The following UVSSA variants were observed in gnomAD, a reference collection of about 807,000 sequenced individuals.
The protein encoded by UVSSA is UV stimulated scaffold protein A.
UVSSA carries 72 observed loss-of-function variants against 73.9 expected under a neutral mutation model. The ratio of observed to expected loss-of-function variants is 0.97; its 90% CI spans 0.81 to 1.19. The LOEUF (loss-of-function observed/expected upper bound fraction) is 1.19, where lower values mean the gene tolerates loss of function less well. Ranked by LOEUF, UVSSA falls within the 50% of genes most tolerant of loss-of-function variation. The probability of loss-of-function intolerance (pLI) is 0.00; values close to 1 mark genes in which losing one functional copy is unlikely to be tolerated. For synonymous variants in UVSSA, 454 were observed against 391.3 expected, an observed-to-expected ratio of 1.16 and a Z score of -1.89; for missense variants, 1,150 against 965.0, an observed-to-expected ratio of 1.19 and a Z score of -2.54.
At chr4:1,355,387 C>A in intron 7 of UVSSA, 142 bp downstream of exon 7, 1 of 811,556 alleles carries the variant, frequency 1.2e-6, no homozygotes, top group Non-Finnish European at 1.9e-6. Flanking sequence ...GCAGGACCTG[C>A]CTCCCCAGCG....
chr4:1,383,883 A>T lies in UVSSA; in HGVS notation c.1979A>T (p.Asn660Ile). 6.2e-7 allele frequency: 1 copy of T among 1,613,508 alleles called. No homozygotes were observed. The highest frequency in any genetic ancestry group is 8.5e-7 in the Non-Finnish European group (1 of 1,179,982). The change falls in exon 13 of 14, where the codon AAC becomes ATC. Residue 660 changes from asparagine (N) to isoleucine (I), a missense_variant. Transcript: ENST00000389851. ...AAGAGGAGGTACCCCAGCCTCACCAACCTGAAGGCTCAGGCTGATACCGCC... is the reference window on the plus strand; with the variant it reads ...AAGAGGAGGTACCCCAGCCTCACCATCCTGAAGGCTCAGGCTGATACCGCC... The part of the protein sequence containing the change: ...GKKRRYPSLT[N>I]LKAQADTARA...
At chr4:1,395,799 C>G (rs1340857950) in exon 14 of UVSSA, 3 of 1,614,052 alleles carry the variant, frequency 1.9e-6, no homozygotes, top group Non-Finnish European at 2.5e-6. Flanking sequence ...CTTTTTAATA[C>G]GTTTTTATGT....
chr4:1,377,659 GC>G (rs993111529), intron 10 of UVSSA, among the ~76,000 whole-genome samples: 12 of 151,982 alleles, frequency 7.9e-5, no homozygotes, highest in Admixed American at 5.9e-4. Context: ...TTTGCCCTGA[GC>G]CCCCAGGCAG....
chr4:1,374,077 G>A lies in UVSSA; in HGVS notation c.1289-1287G>A, dbSNP rs6814386. ...GCCTTGCTCGGTCCGTTTTCTTTCC[G>A]TGGATTCCGCCGGGGCCAGGACGCC... is the stretch of plus-strand genomic sequence containing the variant. On this transcript the variant is annotated intron_variant, in intron 8 of 13. Transcript: ENST00000389851. Among the ~76,000 whole-genome samples, 609 of 152,172 alleles carry A rather than the reference G, an allele frequency of 4.0e-3. 5 individuals are homozygous for A. Among genetic ancestry groups the A allele is most frequent in the African/African-American group, 0.013 (533 of 41,512 alleles).
chr4:1,380,563 G>T (rs774796970), intron 11 of UVSSA: 8 of 1,282,334 alleles, frequency 6.2e-6, no homozygotes, highest in Non-Finnish European at 8.4e-6. Flanking sequence ...AGGCCAGGGG[G>T]CCAGGGCAGC....
chr4:1,351,611 G>C (rs559961585), intron 3 of UVSSA, 104 bp from the exon 4 acceptor site: 6 of 1,226,928 alleles, frequency 4.9e-6, no homozygotes, highest in Non-Finnish European at 6.8e-6. Context: ...GGATGGTCTC[G>C]ATCTCCTGAC....
intron 7 of UVSSA, among the ~76,000 whole-genome samples, chr4:1,365,538 C>T (rs957686381): frequency 6.6e-6 from 1 of 152,156 alleles, no homozygotes; most frequent in Non-Finnish European, 1.5e-5. Context: ...AGGAGGGAGG[C>T]GGGGGTGGCA....
chr4:1,353,427 C>T lies in UVSSA; in HGVS notation c.934+14C>T, dbSNP rs752783215. The T allele has an allele frequency of 8.3e-5, 122 of 1,474,916 alleles. No individual in the cohort carries two copies. The highest frequency in any genetic ancestry group is 2.1e-4 in the Admixed American group (9 of 42,672). The allele number at this position is 1,474,916 out of a possible 1,614,324, so 91.4% of individuals were successfully genotyped here. ...AGCTCTGCTCAGGTAACTGCCTTCG[C>T]GGGGTCTCTGTGGCGCCACCCTGCC... On this transcript the variant is annotated intron_variant, in intron 5 of 13. Transcript: ENST00000389851.
At chr4:1,358,944 A>G (rs1200155755) in intron 7 of UVSSA, among the ~76,000 whole-genome samples, 1 of 152,250 alleles carries the variant, frequency 6.6e-6, no homozygotes, top group Non-Finnish European at 1.5e-5. Flanking sequence ...GGCAGGAGGC[A>G]GGAGCCTAGC....
intron 7 of UVSSA, among the ~76,000 whole-genome samples, chr4:1,357,161 G>C (rs1416352047): frequency 2.1e-5 from 3 of 146,232 alleles, no homozygotes; most frequent in Admixed American, 6.7e-5. Context: ...TTATTGGTGA[G>C]GGTCCATAGA....
At chr4:1,366,562 A>G (rs370269625) in intron 8 of UVSSA, 131 bp downstream of exon 8, 14 of 635,036 alleles carry the variant, frequency 2.2e-5, no homozygotes, top group African/African-American at 2.0e-4. Context: ...TTGGTTTAAA[A>G]TGCTGCTTTT....
At chr4:1,354,324 G>A (rs557718803) in intron 5 of UVSSA, among the ~76,000 whole-genome samples, 4 of 152,266 alleles carry the variant, frequency 2.6e-5, no homozygotes, top group Non-Finnish European at 4.4e-5. Context: ...GGTGTCCAGC[G>A]GAGGAGAGGC....
At chr4:1,373,246 G>C (rs571775528) in intron 8 of UVSSA, among the ~76,000 whole-genome samples, 1 of 152,330 alleles carries the variant, frequency 6.6e-6, no homozygotes, top group South Asian at 2.1e-4. Context: ...TCTAGGCTGA[G>C]GATCAAGGAG....
chr4:1,346,076 G>A (rs1030151120), upstream of UVSSA, among the ~76,000 whole-genome samples: 1 of 152,210 alleles, frequency 6.6e-6, no homozygotes, highest in African/African-American at 2.4e-5. Flanking sequence ...TAGGAGCTGG[G>A]AGCCACTGAC....
At chr4:1,355,306 T>G in intron 7 of UVSSA, 61 bp downstream of exon 7, 26 of 1,121,112 alleles carry the variant, frequency 2.3e-5, no homozygotes, top group Admixed American at 4.4e-5. Flanking sequence ...GAGGAGAAGC[T>G]GTGGGGGGGT....
At chr4:1,348,300 C>G (rs1002496895) in intron 2 of UVSSA, 111 bp downstream of exon 2, 2 of 811,614 alleles carry the variant, frequency 2.5e-6, no homozygotes, top group South Asian at 3.0e-5. Flanking sequence ...AGGGACACAC[C>G]CAGGACATTT....
exon 14 of UVSSA, chr4:1,395,982 A>C (rs1577398078): frequency 2.2e-6 from 3 of 1,383,068 alleles, no homozygotes; most frequent in Non-Finnish European, 1.9e-6. Flanking sequence ...TAAAAGACAA[A>C]CCTGTGACTC....
rs1715560220 is a variant in UVSSA at position 1,355,365 on chromosome 4, C to G, written c.1176+120C>G. 4.0e-6 allele frequency: 4 copies of G among 1,009,500 alleles called. No individual in the cohort carries two copies. The South Asian group carries it at 6.5e-5, about 16-fold the overall frequency. The allele number at this position is 1,009,500 out of a possible 1,614,324, so 62.5% of individuals were successfully genotyped here. A position where few individuals can be genotyped will look rare whatever the true frequency, so the allele number is the denominator to read the frequency against. ...GCGGACCCCAGCCACACCCCAAGCC[C>G]ACTCAGCCTCAGCAGGACCTGCCTC... On this transcript the variant is annotated intron_variant, in intron 7 of 13. Coordinates refer to ENST00000389851, the MANE Select transcript of UVSSA (RefSeq NM_020894.4).
intron 4 of UVSSA, among the ~76,000 whole-genome samples, chr4:1,352,324 A>G (rs929334738): frequency 6.6e-6 from 1 of 152,160 alleles, no homozygotes; most frequent in South Asian, 2.1e-4. Flanking sequence ...GTGTCTTCAG[A>G]CTACATGTAC....
Sources: allele counts gnomAD v4.1 joint callset (sites outside exome capture counted in the v4.1 genomes callset), GRCh38; gene constraint gnomAD v4.1.1; transcripts MANE v1.5; gene names NCBI Gene and HGNC (gene_info 2026-07-23, HGNC 2026-07-21).